Variants in HHAT observed in about 807,000 individuals in gnomAD.
HHAT encodes hedgehog acyltransferase.
In HHAT, 47 loss-of-function variants were observed where a neutral mutation model predicts 70.8. The ratio of observed to expected loss-of-function variants is 0.66; its 90% CI spans 0.53 to 0.85. HHAT has a LOEUF of 0.85. Among genes scored for constraint, HHAT ranks in the 40% least tolerant of loss-of-function variants. The pLI, the probability that HHAT is intolerant of heterozygous loss-of-function variation, is 0.00. For synonymous variants in HHAT, 228 were observed against 247.6 expected (o/e 0.92, Z 0.74); for missense variants, 609 against 604.8 (o/e 1.01, Z -0.07).
intron 7 of HHAT, among the ~76,000 whole-genome samples, chr1:210,430,549 A>G (rs994527429): frequency 2.6e-5 from 4 of 151,942 alleles, no homozygotes; most frequent in Admixed American, 1.3e-4. Context: ...TCTCTACATT[A>G]ATGAAGATCA....
intron 9 of HHAT, among the ~76,000 whole-genome samples, chr1:210,569,054 AC>A (rs1655466443): frequency 1.3e-5 from 2 of 151,530 alleles, no homozygotes; most frequent in Non-Finnish European, 2.9e-5. Context: ...TGTGGGAGAA[AC>A]CCCCCACACA....
At chr1:210,386,481 G>A (rs920047365) in intron 3 of HHAT, among the ~76,000 whole-genome samples, 1 of 151,356 alleles carries the variant, frequency 6.6e-6, no homozygotes, top group Non-Finnish European at 1.5e-5. Context: ...CTCGTGATCC[G>A]CCCGCCTCGG....
At chr1:210,614,537 A>T (rs965613678) in intron 10 of HHAT, among the ~76,000 whole-genome samples, 1 of 152,092 alleles carries the variant, frequency 6.6e-6, no homozygotes, top group African/African-American at 2.4e-5. Flanking sequence ...CATTAGGTAT[A>T]TCTCCTAATG....
Position 210,328,989 on chromosome 1 carries a change from G to C in HHAT, c.-159G>C. 7.3e-7 allele frequency: 1 copy of C among 1,363,252 alleles called. No homozygotes were observed. Among genetic ancestry groups the C allele is most frequent in the South Asian group, 1.8e-5 (1 of 56,974 alleles). The allele number at this position is 1,363,252 out of a possible 1,614,324, so 84.4% of individuals were successfully genotyped here. ...CCGGGGGAAAGAGGGTGGCGTCCCG[G>C]GGAAGCCCGCAGCCGCCGCCGATGT... On this transcript the variant is annotated 5_prime_UTR_variant, in exon 1 of 12. Transcript: ENST00000261458.
intron 3 of HHAT, among the ~76,000 whole-genome samples, chr1:210,380,458 T>C (rs2090544084): frequency 6.6e-6 from 1 of 152,022 alleles, no homozygotes; most frequent in Non-Finnish European, 1.5e-5. Context: ...GAGAATCACT[T>C]GAACTCAGGA....
intron 9 of HHAT, among the ~76,000 whole-genome samples, chr1:210,537,973 T>G (rs572823200): frequency 1.3e-5 from 2 of 152,188 alleles, no homozygotes; most frequent in African/African-American, 4.8e-5. Flanking sequence ...GATATAAAAA[T>G]TTTTCAGTGA....
chr1:210,551,803 C>G (rs557929026), intron 9 of HHAT, among the ~76,000 whole-genome samples: 1 of 152,312 alleles, frequency 6.6e-6, no homozygotes, highest in Admixed American at 6.5e-5. Flanking sequence ...AATAGACGTG[C>G]AAGCCTTGCA....
intron 10 of HHAT, among the ~76,000 whole-genome samples, chr1:210,593,804 A>G (rs1448643389): frequency 6.6e-6 from 1 of 152,090 alleles, no homozygotes; most frequent in African/African-American, 2.4e-5. Context: ...ATCTCTCTTT[A>G]GCTCTAATAA....
intron 9 of HHAT, among the ~76,000 whole-genome samples, chr1:210,551,565 A>G (rs954163957): frequency 2.6e-5 from 4 of 152,256 alleles, no homozygotes; most frequent in Non-Finnish European, 4.4e-5. Flanking sequence ...ATTCAAGATA[A>G]AACTTTATCA....
chr1:210,413,863 G>A (rs2092638594), intron 6 of HHAT, among the ~76,000 whole-genome samples: 1 of 152,102 alleles, frequency 6.6e-6, no homozygotes, highest in African/African-American at 2.4e-5. Context: ...TTCCCTTAAA[G>A]ATCCATTTAC....
chr1:210,337,621 C>T (rs1003740700), intron 1 of HHAT, among the ~76,000 whole-genome samples: 3 of 152,206 alleles, frequency 2.0e-5, no homozygotes, highest in Non-Finnish European at 4.4e-5. Flanking sequence ...CTGCCTCCAT[C>T]ATCACCTCAC....
chr1:210,417,972 T>C (rs1319948272), intron 6 of HHAT, among the ~76,000 whole-genome samples, 182 bp from the exon 7 acceptor site: 1 of 152,132 alleles, frequency 6.6e-6, no homozygotes, highest in East Asian at 1.9e-4. Flanking sequence ...TTGAGACAAA[T>C]GTTCAAGCTG....
chr1:210,410,602 C>T (rs1452314522), intron 6 of HHAT, among the ~76,000 whole-genome samples: 14 of 145,754 alleles, frequency 9.6e-5, no homozygotes, highest in African/African-American at 3.3e-4. Flanking sequence ...TCTTGGCTCA[C>T]TGCAACCTCC....
At chr1:210,441,176 G>A (rs940904742) in intron 7 of HHAT, among the ~76,000 whole-genome samples, 1 of 152,252 alleles carries the variant, frequency 6.6e-6, no homozygotes, top group Non-Finnish European at 1.5e-5. Flanking sequence ...CAGGGACTGT[G>A]TGATGTGGAT....
chr1:210,555,010 G>A (rs887962329), intron 9 of HHAT, among the ~76,000 whole-genome samples: 14 of 152,120 alleles, frequency 9.2e-5, no homozygotes, highest in African/African-American at 3.4e-4. Flanking sequence ...GCTGTATATT[G>A]GGCCTCCCGT....
At chr1:210,442,692 G>T in intron 7 of HHAT, among the ~76,000 whole-genome samples, 1 of 152,114 alleles carries the variant, frequency 6.6e-6, no homozygotes, top group Non-Finnish European at 1.5e-5. Flanking sequence ...ACTTTTTGAT[G>T]GGGTTGTTTG....
At chr1:210,433,631 G>A (rs1056289404) in intron 7 of HHAT, among the ~76,000 whole-genome samples, 1 of 151,792 alleles carries the variant, frequency 6.6e-6, no homozygotes, top group Non-Finnish European at 1.5e-5. Context: ...GGGATTGAGA[G>A]GACATTGGGA....
At chr1:210,390,871 A>C (rs1051738507) in intron 4 of HHAT, among the ~76,000 whole-genome samples, 1 of 152,214 alleles carries the variant, frequency 6.6e-6, no homozygotes, top group Non-Finnish European at 1.5e-5. Flanking sequence ...TGGTGTATAT[A>C]TACCACATTA....
chr1:210,658,946 A>G (rs755237464), intron 11 of HHAT, among the ~76,000 whole-genome samples: 7 of 152,248 alleles, frequency 4.6e-5, no homozygotes, highest in Non-Finnish European at 8.8e-5. Context: ...CAGTGTATAG[A>G]GGGAAATTTA....
Sources: allele counts gnomAD v4.1 joint callset (sites outside exome capture counted in the v4.1 genomes callset), GRCh38; gene constraint gnomAD v4.1.1; transcripts MANE v1.5; gene names NCBI Gene and HGNC (gene_info 2026-07-23, HGNC 2026-07-21).